Variants in NSMCE2 observed in about 807,000 individuals in gnomAD.
The protein encoded by NSMCE2 is E3 SUMO-protein ligase NSE2.
In NSMCE2, 24 loss-of-function variants were observed where a neutral mutation model predicts 23.8. The observed-to-expected ratio is 1.01, with a 90% confidence interval of 0.73 to 1.42. NSMCE2 has a LOEUF of 1.42. Among genes scored for constraint, NSMCE2 ranks in the 40% most tolerant of loss-of-function variants. The pLI is 0.00. For missense variants in NSMCE2, 284 were observed against 296.5 expected (o/e 0.96, Z 0.31); for synonymous variants, 92 against 94.1 (o/e 0.98, Z 0.13).
intron 5 of NSMCE2, among the ~76,000 whole-genome samples, chr8:125,191,119 G>A (rs932100978): frequency 5.3e-5 from 8 of 152,040 alleles, no homozygotes; most frequent in Non-Finnish European, 8.8e-5. Flanking sequence ...TGATCCACCC[G>A]CCTCGGCCTC....
At chr8:125,234,938 AGTCCTG>A (rs1309307865) in intron 5 of NSMCE2, among the ~76,000 whole-genome samples, 14 of 152,022 alleles carry the variant, frequency 9.2e-5, no homozygotes, top group Non-Finnish European at 1.9e-4. Context: ...GCCCATTTCA[AGTCCTG>A]GCTTTTACCA....
At chr8:125,158,454 AGCAGCAGAATGG>A (rs1347738309) in intron 4 of NSMCE2, among the ~76,000 whole-genome samples, 1 of 152,200 alleles carries the variant, frequency 6.6e-6, no homozygotes, top group Non-Finnish European at 1.5e-5. Flanking sequence ...GACACACAGG[AGCAGCAGAATGG>A]GCAGGAAACG....
At chr8:125,359,796 G>A (rs530732100) in intron 7 of NSMCE2, among the ~76,000 whole-genome samples, 1 of 152,272 alleles carries the variant, frequency 6.6e-6, no homozygotes, top group African/African-American at 2.4e-5. Context: ...TCAAACTTGA[G>A]CCACTATCAA....
Position 125,268,780 on chromosome 8 carries a change from A to T in NSMCE2, c.418+86524A>T, listed in dbSNP as rs576042479. ...ATCCCATAGCAGTGCATGAGCCAAG[A>T]GAGGAAGTAATTTTAGGAAGAGTGG... On this transcript the variant is annotated intron_variant, in intron 5 of 7. Coordinates refer to ENST00000287437, the MANE Select transcript of NSMCE2 (RefSeq NM_173685.4). Among the ~76,000 whole-genome samples, 434 of 152,282 alleles carry T rather than the reference A, an allele frequency of 2.8e-3. 1 individual carries two copies. The highest frequency in any genetic ancestry group is 4.5e-3 in the Non-Finnish European group (304 of 68,024).
intron 5 of NSMCE2, among the ~76,000 whole-genome samples, chr8:125,258,522 A>G (rs1826538424): frequency 6.6e-6 from 1 of 152,150 alleles, no homozygotes; most frequent in South Asian, 2.1e-4. Flanking sequence ...TCCATAGGAA[A>G]GCAGCCTCAG....
intron 5 of NSMCE2, among the ~76,000 whole-genome samples, chr8:125,234,012 T>TTA (rs1554623591): frequency 9.8e-6 from 1 of 102,190 alleles, no homozygotes; most frequent in African/African-American, 3.7e-5. Context: ...CTGTCTCTAC[T>TTA]AAAAAAAAAA....
chr8:125,285,961 G>A (rs565043226), intron 5 of NSMCE2, among the ~76,000 whole-genome samples: 1 of 151,948 alleles, frequency 6.6e-6, no homozygotes, highest in African/African-American at 2.4e-5. Context: ...TTGAGCCCTT[G>A]GCCATTAGGA....
At chr8:125,344,496 C>T (rs1447841823) in intron 5 of NSMCE2, among the ~76,000 whole-genome samples, 1 of 152,140 alleles carries the variant, frequency 6.6e-6, no homozygotes, top group Non-Finnish European at 1.5e-5. Context: ...GTAAGCCCAG[C>T]ACTTTGGGAG....
chr8:125,327,542 T>G (rs750075771), intron 5 of NSMCE2, among the ~76,000 whole-genome samples: 4 of 152,074 alleles, frequency 2.6e-5, no homozygotes, highest in Non-Finnish European at 5.9e-5. Flanking sequence ...TTTTTTTAAG[T>G]CTTTAATTTG....
intron 5 of NSMCE2, among the ~76,000 whole-genome samples, chr8:125,252,304 A>G (rs139943699): frequency 2.7e-4 from 41 of 152,326 alleles, no homozygotes; most frequent in South Asian, 1.5e-3. Flanking sequence ...CAAGGGGGGC[A>G]GATCACAAGG....
intron 5 of NSMCE2, among the ~76,000 whole-genome samples, chr8:125,335,052 G>C (rs769673640): frequency 2.0e-5 from 3 of 152,056 alleles, no homozygotes; most frequent in Non-Finnish European, 2.9e-5. Flanking sequence ...CGCAGTACCT[G>C]ACCAGATTGC....
intron 5 of NSMCE2, among the ~76,000 whole-genome samples, chr8:125,201,674 G>A (rs1349395704): frequency 1.3e-5 from 2 of 152,206 alleles, no homozygotes; most frequent in South Asian, 4.1e-4. Context: ...GAAGCAGTGT[G>A]TCCATTCTCA....
chr8:125,226,510 G>A (rs1375397897), intron 5 of NSMCE2, among the ~76,000 whole-genome samples: 1 of 152,200 alleles, frequency 6.6e-6, no homozygotes, highest in African/African-American at 2.4e-5. Context: ...GCCGGGATCA[G>A]TCAAGATCTC....
chr8:125,151,173 G>C lies in NSMCE2; in HGVS notation c.160G>C (p.Glu54Gln). ...VALDLVESQTEVSSEYSMDKA... is the reference protein window; with the variant it reads ...VALDLVESQTQVSSEYSMDKA... ...ATTGCAATTTTTTTTTCTTTCAGCT[G>C]AAGTGAGTAGTGAATATAGTATGGA... The change falls in exon 4 of 8, where the codon GAA becomes CAA. Residue 54 changes from glutamate to glutamine, a missense_variant and splice_region_variant. Physicochemically the swap from Glu to Gln is conservative, Grantham distance 29. This residue lies in a region of NSMCE2 where 182 missense variants were observed against 155.5 expected (regional missense o/e 1.17). Transcript: ENST00000287437. 6.4e-7 allele frequency: 1 copy of C among 1,556,732 alleles called. No individual in the cohort carries two copies. The highest frequency in any genetic ancestry group is 1.2e-5 in the South Asian group (1 of 85,802).
At chr8:125,300,404 C>A (rs534810227) in intron 5 of NSMCE2, among the ~76,000 whole-genome samples, 49 of 152,098 alleles carry the variant, frequency 3.2e-4, no homozygotes, top group African/African-American at 1.2e-3. Context: ...CTCAAGTGAT[C>A]CTCTTGCTTC....
At chr8:125,192,816 A>G (rs988971168) in intron 5 of NSMCE2, among the ~76,000 whole-genome samples, 7 of 152,212 alleles carry the variant, frequency 4.6e-5, no homozygotes, top group African/African-American at 1.7e-4. Flanking sequence ...CATAGGGGAA[A>G]GGCTTCATCT....
chr8:125,092,820 C>A (rs1430567325), intron 1 of NSMCE2, among the ~76,000 whole-genome samples: 18 of 152,140 alleles, frequency 1.2e-4, no homozygotes, highest in Admixed American at 1.2e-3. Flanking sequence ...GGGAGGGATC[C>A]AAGAGAGATT....
intron 7 of NSMCE2, chr8:125,363,232 G>A (rs1813633248): frequency 6.6e-6 from 1 of 152,214 alleles, no homozygotes; most frequent in East Asian, 1.9e-4. Context: ...ACCAGGCACG[G>A]TGGCTCATGC....
Position 125,249,170 on chromosome 8 carries a change from C to CAA in NSMCE2, c.418+66928_418+66929dup, listed in dbSNP as rs757506151. 9.9e-4 allele frequency among the ~76,000 whole-genome samples: 112 copies of CAA among 112,874 alleles called. 3 individuals are homozygous for CAA. The South Asian group carries it at 0.012, about 12-fold the overall frequency. 74.0% of individuals were successfully genotyped at this position (112,874 alleles called of 152,430 possible). A position where few individuals can be genotyped will look rare whatever the true frequency, so the allele number is the denominator to read the frequency against. ...TGGGTGACGGAGCAAGACTCTGTCT[C>CAA]AAAAAAAAAAAAAAATAGGCAGAGC... is the stretch of plus-strand genomic sequence containing the variant. On this transcript the variant is annotated intron_variant, in intron 5 of 7. Coordinates refer to ENST00000287437, the MANE Select transcript of NSMCE2 (RefSeq NM_173685.4).
Sources: allele counts gnomAD v4.1 joint callset (sites outside exome capture counted in the v4.1 genomes callset), GRCh38; gene constraint gnomAD v4.1.1; regional missense constraint gnomAD v4.1.1; transcripts MANE v1.5; gene names NCBI Gene and HGNC (gene_info 2026-07-23, HGNC 2026-07-21).